Variants in SYT16 observed in about 807,000 individuals in gnomAD.
SYT16 encodes the protein synaptotagmin-16.
A neutral mutation model predicts 61.4 loss-of-function variants in SYT16; 42 were observed. The observed-to-expected ratio is 0.68, with a 90% CI of 0.53 to 0.89. SYT16 has a LOEUF of 0.89. Among genes scored for constraint, SYT16 ranks in the 40% least tolerant of loss-of-function variants. The pLI is 0.00. For synonymous variants in SYT16, 314 were observed against 302.3 expected (o/e 1.04, Z -0.40); for missense variants, 804 against 807.3 (o/e 1.00, Z 0.05).
rs1191538658 is a variant in SYT16 at position 61,817,515 on chromosome 14, A to G, written c.-325+4705A>G. Among the ~76,000 whole-genome samples, 6 of 152,218 alleles carry G rather than the reference A, an allele frequency of 3.9e-5. No individual in the cohort carries two copies. In the East Asian group the frequency reaches 1.2e-3, roughly 29 times the overall value. Reference sequence around the variant, plus strand: ...GACACAATGCCACTTACTGTGCCACAAATGTATAACCTGGTTCTGATCACG... The same window carrying G: ...GACACAATGCCACTTACTGTGCCACGAATGTATAACCTGGTTCTGATCACG... On this transcript the variant is annotated intron_variant, in intron 1 of 7. Coordinates refer to ENST00000683842, the MANE Select transcript of SYT16 (RefSeq NM_001367656.1).
intron 2 of SYT16, among the ~76,000 whole-genome samples, chr14:61,993,133 C>A (rs1271232533): frequency 2.0e-5 from 3 of 151,972 alleles, no homozygotes; most frequent in African/African-American, 7.3e-5. Context: ...GGCTCAAATT[C>A]AGAGATTTTG....
intron 3 of SYT16, among the ~76,000 whole-genome samples, chr14:62,054,875 T>C (rs2055476112): frequency 6.6e-6 from 1 of 152,150 alleles, no homozygotes; most frequent in Non-Finnish European, 1.5e-5. Context: ...GTGAATAAAC[T>C]GAACAGCTAG....
chr14:62,079,538 C>T (rs2353777), intron 5 of SYT16: 54,109 of 177,670 alleles, frequency 0.3, 9,421 homozygotes, highest in African/African-American at 0.48. Context: ...TAAGGAAATA[C>T]GAACCCAGAG....
chr14:62,037,796 A>G (rs2054568455), intron 3 of SYT16, among the ~76,000 whole-genome samples: 2 of 152,126 alleles, frequency 1.3e-5, no homozygotes, highest in African/African-American at 4.8e-5. Context: ...CTAGTGACTC[A>G]TCTGGGCTAT....
chr14:61,898,295 T>C (rs1418139949), intron 1 of SYT16, among the ~76,000 whole-genome samples: 2 of 152,162 alleles, frequency 1.3e-5, no homozygotes, highest in African/African-American at 4.8e-5. Flanking sequence ...GATATAGACC[T>C]TTTAACCAGG....
chr14:62,043,873 A>G (rs973055376), intron 3 of SYT16, among the ~76,000 whole-genome samples: 7 of 150,918 alleles, frequency 4.6e-5, no homozygotes, highest in African/African-American at 9.8e-5. Context: ...GAATCTTGCT[A>G]TGTTACTGAG....
intron 1 of SYT16, among the ~76,000 whole-genome samples, chr14:61,856,972 A>T (rs918918600): frequency 6.6e-6 from 1 of 152,204 alleles, no homozygotes; most frequent in Non-Finnish European, 1.5e-5. Context: ...ACCATGTCAA[A>T]TGTGGTTAAG....
intron 1 of SYT16, among the ~76,000 whole-genome samples, chr14:61,907,387 C>A (rs1222152907): frequency 6.6e-6 from 1 of 152,180 alleles, no homozygotes; most frequent in Admixed American, 6.5e-5. Context: ...TGCCATGTAA[C>A]AAATTACCCC....
intron 1 of SYT16, among the ~76,000 whole-genome samples, chr14:61,814,176 GA>G (rs1345746023): frequency 6.6e-6 from 1 of 152,166 alleles, no homozygotes; most frequent in Non-Finnish European, 1.5e-5. Context: ...TTTTTAAAGA[GA>G]AAAATGTTGA....
At chr14:61,837,338 G>A (rs1399695753) in intron 1 of SYT16, among the ~76,000 whole-genome samples, 1 of 150,370 alleles carries the variant, frequency 6.7e-6, no homozygotes, top group Non-Finnish European at 1.5e-5. Context: ...CTGGGCTCAA[G>A]TGATCCTCCC....
intron 1 of SYT16, among the ~76,000 whole-genome samples, chr14:61,881,562 T>C (rs1361210053): frequency 2.6e-5 from 4 of 152,212 alleles, no homozygotes; most frequent in African/African-American, 9.6e-5. Flanking sequence ...ATGGCTTCAA[T>C]TTTTTGCATT....
At chr14:62,010,084 T>C (rs1379129907) in intron 3 of SYT16, among the ~76,000 whole-genome samples, 1 of 152,164 alleles carries the variant, frequency 6.6e-6, no homozygotes, top group Non-Finnish European at 1.5e-5. Flanking sequence ...ATTTGACCAA[T>C]AGTGTAGTGA....
At chr14:61,985,821 T>C (rs955662827) in intron 2 of SYT16, among the ~76,000 whole-genome samples, 1 of 152,192 alleles carries the variant, frequency 6.6e-6, no homozygotes, top group African/African-American at 2.4e-5. Context: ...GACTTCTATG[T>C]GCTAGATATG....
intron 1 of SYT16, among the ~76,000 whole-genome samples, chr14:61,965,329 C>G (rs914250206): frequency 6.6e-6 from 1 of 152,130 alleles, no homozygotes; most frequent in Non-Finnish European, 1.5e-5. Flanking sequence ...GGCTAAGAGT[C>G]CTTCATGCAC....
chr14:62,075,607 A>T (rs1410298468), intron 5 of SYT16, among the ~76,000 whole-genome samples: 1 of 110,284 alleles, frequency 9.1e-6, no homozygotes, highest in African/African-American at 4.3e-5. Context: ...TGAACGGTAA[A>T]AAAAAAAAAA....
At chr14:61,874,578 T>G (rs2047429006) in intron 1 of SYT16, among the ~76,000 whole-genome samples, 2 of 152,214 alleles carry the variant, frequency 1.3e-5, no homozygotes, top group African/African-American at 4.8e-5. Flanking sequence ...GGTATTACAG[T>G]GCTTCAAAGA....
chr14:62,007,580 C>G (rs772288264), intron 3 of SYT16, among the ~76,000 whole-genome samples: 1 of 151,986 alleles, frequency 6.6e-6, no homozygotes, highest in Admixed American at 6.6e-5. Flanking sequence ...CCCATTGTTA[C>G]GTATTTTGCA....
chr14:62,082,119 G>A (rs1309226409), intron 6 of SYT16, among the ~76,000 whole-genome samples: 1 of 152,116 alleles, frequency 6.6e-6, no homozygotes, highest in Non-Finnish European at 1.5e-5. Context: ...TCAAAGCATC[G>A]AGAGAGCGAG....
intron 1 of SYT16, among the ~76,000 whole-genome samples, chr14:61,895,998 A>C (rs1213375531): frequency 6.6e-6 from 1 of 151,636 alleles, no homozygotes; most frequent in Non-Finnish European, 1.5e-5. Context: ...GCGCTGGGCT[A>C]CCTTGTCATT....
Sources: gnomAD v4.1 joint callset for allele counts (sites outside exome capture counted in the v4.1 genomes callset) on GRCh38, gnomAD v4.1.1 for gene constraint, MANE v1.5 for transcripts, NCBI Gene and HGNC (gene_info 2026-07-23, HGNC 2026-07-21) for gene names.